Variants in RBFOX1 observed in about 807,000 individuals in gnomAD.
RBFOX1 encodes the protein RNA binding protein fox-1 homolog 1.
Under a neutral mutation model 57.7 loss-of-function variants are expected in RBFOX1, and 8 were observed. The ratio of observed to expected loss-of-function variants is 0.14; its 90% CI spans 0.08 to 0.25. RBFOX1 has a LOEUF of 0.25. Ranked by LOEUF, RBFOX1 falls within the 10% of genes least tolerant of loss-of-function variation. The probability of loss-of-function intolerance (pLI) is 1.00; values close to 1 mark genes in which losing one functional copy is unlikely to be tolerated. For synonymous variants in RBFOX1, 326 were observed against 222.4 expected (o/e 1.47, Z -4.15); for missense variants, 611 against 548.5 (o/e 1.11, Z -1.14).
chr16:7,704,940 G>A (rs944202908), intron 14 of RBFOX1, among the ~76,000 whole-genome samples: 1 of 151,942 alleles, frequency 6.6e-6, no homozygotes, highest in African/African-American at 2.4e-5. Flanking sequence ...CCAGCAACTG[G>A]GGAGGCTGAG....
chr16:6,379,096 G>C (rs1049624387), intron 2 of RBFOX1, among the ~76,000 whole-genome samples: 9 of 152,108 alleles, frequency 5.9e-5, no homozygotes, highest in African/African-American at 2.2e-4. Flanking sequence ...TTTCTAAACT[G>C]GGTATTTGAG....
Position 6,035,092 on chromosome 16 carries a change from G to T in RBFOX1, c.-127+15100G>T, listed in dbSNP as rs142464688. Among the ~76,000 whole-genome samples, 710 of 152,188 alleles carry T rather than the reference G, an allele frequency of 4.7e-3. 4 individuals carry two copies. Among genetic ancestry groups the T allele is most frequent in the African/African-American group, 0.016 (683 of 41,512 alleles). On this transcript the variant is annotated intron_variant, in intron 1 of 15. Coordinates refer to ENST00000550418, the MANE Select transcript of RBFOX1 (RefSeq NM_018723.4). ...TGTAGGATGTTTAATAGCATCCCTG[G>T]CCTCTACCTGCTAGATGTTAGTAGC...
intron 3 of RBFOX1, among the ~76,000 whole-genome samples, chr16:6,890,466 C>G (rs2065142481): frequency 6.6e-6 from 1 of 152,204 alleles, no homozygotes; most frequent in Non-Finnish European, 1.5e-5. Context: ...TTTCGGTGAA[C>G]TGAGATAGCA....
intron 5 of RBFOX1, among the ~76,000 whole-genome samples, chr16:7,531,342 G>C (rs930527528): frequency 6.6e-6 from 1 of 152,172 alleles, no homozygotes; most frequent in Non-Finnish European, 1.5e-5. Flanking sequence ...CTAGCATTTA[G>C]TGAGCTCATA....
intron 2 of RBFOX1, among the ~76,000 whole-genome samples, chr16:5,557,639 C>T (rs2045729270): frequency 6.6e-6 from 1 of 152,064 alleles, no homozygotes; most frequent in African/African-American, 2.4e-5. Context: ...TGTGCAAAGG[C>T]CCTGAGGCAT....
At chr16:6,903,124 G>A (rs945786019) in intron 3 of RBFOX1, among the ~76,000 whole-genome samples, 58 of 152,182 alleles carry the variant, frequency 3.8e-4, no homozygotes, top group African/African-American at 1.3e-3. Context: ...CGATTCTGAA[G>A]CCATCATAAG....
chr16:5,725,629 G>C (rs781645841), intron 3 of RBFOX1, among the ~76,000 whole-genome samples: 3 of 151,362 alleles, frequency 2.0e-5, no homozygotes, highest in Non-Finnish European at 4.4e-5. Context: ...GTCTGCAAGA[G>C]TGCTCATAAG....
chr16:6,067,527 A>C (rs2095783137), intron 1 of RBFOX1, among the ~76,000 whole-genome samples: 1 of 152,234 alleles, frequency 6.6e-6, no homozygotes, highest in Non-Finnish European at 1.5e-5. Context: ...ACATAACTTA[A>C]TATTAGGTAG....
intron 3 of RBFOX1, among the ~76,000 whole-genome samples, chr16:5,825,225 A>G (rs957172765): frequency 2.0e-5 from 3 of 152,240 alleles, no homozygotes; most frequent in Admixed American, 6.5e-5. Context: ...TCAGAATGCA[A>G]TATAGTGATG....
intron 4 of RBFOX1, among the ~76,000 whole-genome samples, chr16:5,929,955 T>G (rs775862194): frequency 4.5e-4 from 68 of 151,306 alleles, no homozygotes; most frequent in Admixed American, 9.9e-4. Context: ...TGGGGCACAA[T>G]GTGGCTGGTC....
chr16:6,590,595 G>C (rs142352863), intron 2 of RBFOX1, among the ~76,000 whole-genome samples: 4 of 152,186 alleles, frequency 2.6e-5, no homozygotes, highest in African/African-American at 4.8e-5. Flanking sequence ...TCACAAAGCA[G>C]TTCTCAGCTT....
chr16:6,927,300 C>T (rs1298099586), intron 3 of RBFOX1, among the ~76,000 whole-genome samples: 1 of 150,346 alleles, frequency 6.7e-6, no homozygotes, highest in Admixed American at 6.7e-5. Flanking sequence ...GTAGTATCAG[C>T]TACTTGGGAG....
intron 4 of RBFOX1, among the ~76,000 whole-genome samples, chr16:7,087,446 C>T (rs1183113854): frequency 6.6e-6 from 1 of 152,016 alleles, no homozygotes; most frequent in South Asian, 2.1e-4. Flanking sequence ...CTGTGGCTGG[C>T]CGCCTAAAGT....
chr16:6,886,763 A>AAAAC (rs2064134809), intron 3 of RBFOX1, among the ~76,000 whole-genome samples: 2 of 42,206 alleles, frequency 4.7e-5, no homozygotes, highest in South Asian at 2.5e-3. Context: ...TGAAAAAAAC[A>AAAAC]AAAACAAAAC....
At chr16:5,826,053 A>ATATTCCTTAATATGAATAAGGAATAT (rs1567592380) in intron 3 of RBFOX1, among the ~76,000 whole-genome samples, 10 of 134,884 alleles carry the variant, frequency 7.4e-5, no homozygotes, top group South Asian at 2.2e-4. Context: ...ATAAGGAATA[A>ATATTCCTTAATATGAATAAGGAATAT]TATTCCTTAA....
At chr16:6,966,727 C>T (rs935060625) in intron 3 of RBFOX1, among the ~76,000 whole-genome samples, 2 of 152,036 alleles carry the variant, frequency 1.3e-5, no homozygotes, top group Admixed American at 6.6e-5. Flanking sequence ...GATGAGAAGT[C>T]ACTGTAACTC....
chr16:6,759,564 T>C (rs2076315842), intron 3 of RBFOX1, among the ~76,000 whole-genome samples: 1 of 151,684 alleles, frequency 6.6e-6, no homozygotes, highest in Non-Finnish European at 1.5e-5. Flanking sequence ...GTTGTTTTCA[T>C]TGTTAGGATA....
intron 4 of RBFOX1, among the ~76,000 whole-genome samples, chr16:7,390,372 C>G (rs1342463605): frequency 6.6e-6 from 1 of 152,080 alleles, no homozygotes; most frequent in Non-Finnish European, 1.5e-5. Context: ...TGAGAGACAC[C>G]CAAACTCATG....
intron 3 of RBFOX1, among the ~76,000 whole-genome samples, chr16:7,005,193 A>T (rs1414920166): frequency 1.4e-5 from 2 of 144,754 alleles, no homozygotes; most frequent in African/African-American, 5.5e-5. Context: ...ATAAACACAT[A>T]TCCTCACCTT....
Sources: allele counts gnomAD v4.1 joint callset (sites outside exome capture counted in the v4.1 genomes callset), GRCh38; gene constraint gnomAD v4.1.1; transcripts MANE v1.5; gene names NCBI Gene and HGNC (gene_info 2026-07-23, HGNC 2026-07-21).